The following PLEKHA4 variants were observed in gnomAD, a reference collection of about 807,000 sequenced individuals.
PLEKHA4 encodes the protein pleckstrin homology domain-containing family A member 4.
A neutral mutation model predicts 94.7 loss-of-function variants in PLEKHA4; 73 were observed. The observed-to-expected ratio is 0.77, with a 90% confidence interval of 0.64 to 0.94. PLEKHA4 has a LOEUF of 0.94. Ranked by LOEUF, PLEKHA4 falls within the 40% of genes least tolerant of loss-of-function variation. The pLI is 0.00. For missense variants in PLEKHA4, 1,049 were observed against 1,054.1 expected (o/e 1.00, Z 0.07); for synonymous variants, 449 against 437.1 (o/e 1.03, Z -0.34).
At chr19:48,857,030 G>A (rs2036448360) in intron 9 of PLEKHA4, among the ~76,000 whole-genome samples, 1 of 151,804 alleles carries the variant, frequency 6.6e-6, no homozygotes, top group Admixed American at 6.6e-5. Flanking sequence ...AGGAGGAGAT[G>A]GACAGCAACA....
rs773986812 is a variant in PLEKHA4, at chr19:48,845,663, A to G, written c.1567-47T>C. 20 of 1,350,070 alleles carry G rather than the reference A, an allele frequency of 1.5e-5. No homozygotes were observed. The Admixed American group carries it at 4.4e-4, about 30-fold the overall frequency. The allele number at this position is 1,350,070 out of a possible 1,614,324, so 83.6% of individuals were successfully genotyped here. ...GATAATGATGATCATTATAATAATTATTATTATTACCATGTTGCAAGCATT... is the reference window on the plus strand; with the variant it reads ...GATAATGATGATCATTATAATAATTGTTATTATTACCATGTTGCAAGCATT... On this transcript the variant is annotated intron_variant, in intron 14 of 19. Transcript: ENST00000263265.
chr19:48,859,029 C>T lies in PLEKHA4; in HGVS notation c.803G>A (p.Arg268Gln). Reference protein sequence around the residue: ...APSGDTAPPARPHTPLSRIDV... With the variant: ...APSGDTAPPAQPHTPLSRIDV... ...AATGCGACTCAACGGGGTGTGAGGT[C>T]GGGCAGGGGGTGCTGTGTCTCCTGA... is the stretch of plus-strand genomic sequence containing the variant. Residue 268 changes from arginine (R) to glutamine (Q), a missense_variant, in exon 8 of 20, where the codon CGA becomes CAA. By Grantham distance (43) the Arg-to-Gln change is conservative. Transcript: ENST00000263265. 8.5e-7 allele frequency: 1 copy of T among 1,182,720 alleles called. No individual in the cohort carries two copies. Among genetic ancestry groups the T allele is most frequent in the East Asian group, 6.1e-5 (1 of 16,318 alleles). 73.3% of individuals were successfully genotyped at this position (1,182,720 alleles called of 1,614,324 possible). A position where few individuals can be genotyped will look rare whatever the true frequency, so the allele number is the denominator to read the frequency against.
rs1196400151 is a variant in PLEKHA4, at chr19:48,837,580, G to A, written c.2078-29C>T. 2 of 1,611,902 alleles carry A rather than the reference G, an allele frequency of 1.2e-6. No homozygotes were observed. The highest frequency in any genetic ancestry group is 1.7e-6 in the Non-Finnish European group (2 of 1,179,408). ...GAGAGGATGAGTGGGACATGAGAAT[G>A]GCAAACCTCAGCGCTAGGACCCCGG... On this transcript the variant is annotated intron_variant, in intron 19 of 19. Transcript: ENST00000263265. This position sits in a 1 kb window ranked among gnomAD's most constrained non-coding sequence, Gnocchi z 4.3.
chr19:48,865,425 G>T, intron 3 of PLEKHA4, 78 bp downstream of exon 3: 1 of 987,684 alleles, frequency 1.0e-6, no homozygotes, highest in Non-Finnish European at 1.6e-6. Flanking sequence ...AAGCCTATTT[G>T]GGGACTTGCA....
chr19:48,845,400 G>A lies in PLEKHA4; in HGVS notation c.1713C>T (p.Arg571=), dbSNP rs1315649625. The A allele has an allele frequency of 6.2e-7, 1 of 1,613,274 alleles. No homozygotes were observed. The highest frequency in any genetic ancestry group is 8.5e-7 in the Non-Finnish European group (1 of 1,180,028). Residue 571 remains arginine, a synonymous_variant, in exon 16 of 20, where the codon CGC becomes CGT. Transcript: ENST00000263265. ...RVSRASSPEG[R]HLPSPQLGTK... is the part of the protein sequence containing the mutation. The stretch of plus-strand genomic sequence containing the variant: ...TTCCTAGCTGTGGGGAAGGGAGGTG[G>A]CGACCCTCAGGGCTGGAAGCCCGGG...
At chr19:48,858,606 G>A (rs1031666279) in intron 8 of PLEKHA4, among the ~76,000 whole-genome samples, 3 of 113,650 alleles carry the variant, frequency 2.6e-5, no homozygotes, top group African/African-American at 5.1e-5. Context: ...TAACCTTGGC[G>A]ACAGAGCAAG....
At chr19:48,854,419 T>C (rs4802514) in intron 9 of PLEKHA4, among the ~76,000 whole-genome samples, 155 bp from the exon 10 acceptor site, 25,309 of 152,056 alleles carry the variant, frequency 0.17, 2,224 homozygotes, top group African/African-American at 0.2. Context: ...CCCAAGCTGG[T>C]GTGCAGTCGT....
chr19:48,845,637 G>T (rs769190377), intron 14 of PLEKHA4, 21 bp from the exon 15 acceptor site: 57 of 1,463,240 alleles, frequency 3.9e-5, no homozygotes, highest in Non-Finnish European at 4.5e-5. Flanking sequence ...TAGAAAAGGG[G>T]GATAATGATG....
chr19:48,852,162 TA>T, intron 13 of PLEKHA4, 65 bp downstream of exon 13: 1 of 1,286,000 alleles, frequency 7.8e-7, no homozygotes, highest in Non-Finnish European at 1.1e-6. Context: ...GATTAAATGC[TA>T]AAAGGATTTC....
At chr19:48,841,456 A>T in intron 16 of PLEKHA4, 146 bp from the exon 17 acceptor site, 2 of 827,774 alleles carry the variant, frequency 2.4e-6, no homozygotes, top group Non-Finnish European at 3.6e-6. Flanking sequence ...GCGAAATACC[A>T]TCTCTACTAA....
At position 48,864,706 on chromosome 19, in the gene PLEKHA4, G is replaced by A. The variant is rs557395572; in HGVS notation, c.192+797C>T. ...CTCCCGAGTAGCTGGGACTATAGGC[G>A]CACACCACCACGCTCAGCTAGGTTT... On this transcript the variant is annotated intron_variant, in intron 3 of 19. Transcript: ENST00000263265. 5.9e-5 allele frequency among the ~76,000 whole-genome samples: 9 copies of A among 151,940 alleles called. No individual in the cohort carries two copies. The South Asian group carries it at 1.0e-3, about 18-fold the overall frequency.
intron 7 of PLEKHA4, 108 bp from the exon 8 acceptor site, chr19:48,859,247 C>A: frequency 1.0e-6 from 1 of 978,606 alleles, no homozygotes; most frequent in Non-Finnish European, 1.5e-6. Context: ...CTGTGTCTTA[C>A]TGTCCCACTG....
At chr19:48,860,976 G>A (rs991548875) in intron 5 of PLEKHA4, among the ~76,000 whole-genome samples, 1 of 152,200 alleles carries the variant, frequency 6.6e-6, no homozygotes, top group Non-Finnish European at 1.5e-5. Context: ...GGAGGCTGAG[G>A]TAGGCGGATC....
chr19:48,850,412 G>A (rs2036138294), intron 13 of PLEKHA4, among the ~76,000 whole-genome samples: 1 of 152,096 alleles, frequency 6.6e-6, no homozygotes, highest in African/African-American at 2.4e-5. Flanking sequence ...GCTGCGGCAG[G>A]AGAATTGCTT....
At chr19:48,850,550 G>C (rs900718658) in intron 13 of PLEKHA4, among the ~76,000 whole-genome samples, 3 of 151,648 alleles carry the variant, frequency 2.0e-5, no homozygotes, top group Middle Eastern at 3.2e-3. Context: ...GTGTGCGGTG[G>C]CTCACGCCTG....
intron 18 of PLEKHA4, among the ~76,000 whole-genome samples, chr19:48,838,497 C>T (rs1488247939): frequency 6.8e-6 from 1 of 147,530 alleles, no homozygotes; most frequent in East Asian, 2.0e-4. Context: ...GGTGCGACAG[C>T]TTATCCCTGT....
intron 8 of PLEKHA4, among the ~76,000 whole-genome samples, chr19:48,858,627 C>CAAAAAAAAAAAAAAAAAAAAAAAAAAA (rs56663437): frequency 3.3e-4 from 21 of 63,424 alleles, no homozygotes; most frequent in African/African-American, 6.5e-4. Context: ...ACCTCAGTCT[C>CAAAAAAAAAAAAAAAAAAAAAAAAAAA]AAAAAAAAAA....
intron 2 of PLEKHA4, among the ~76,000 whole-genome samples, chr19:48,866,378 C>A (rs1365930995): frequency 1.3e-5 from 2 of 152,060 alleles, no homozygotes; most frequent in Non-Finnish European, 2.9e-5. Flanking sequence ...ACCATCTTGG[C>A]TCACTGCAAC....
At chr19:48,862,325 C>G (rs575941845) in intron 3 of PLEKHA4, among the ~76,000 whole-genome samples, 2 of 151,054 alleles carry the variant, frequency 1.3e-5, no homozygotes, top group African/African-American at 4.9e-5. Context: ...CTCAGCCTCC[C>G]GAGTAACTGG....
Sources: allele counts gnomAD v4.1 joint callset (sites outside exome capture counted in the v4.1 genomes callset), GRCh38; gene constraint gnomAD v4.1.1; non-coding constraint Gnocchi (gnomAD v3.1); transcripts MANE v1.5; gene names NCBI Gene and HGNC (gene_info 2026-07-23, HGNC 2026-07-21).